Variants in IPO11 observed in about 807,000 individuals in gnomAD.
The protein encoded by IPO11 is importin 11.
IPO11 carries 66 observed loss-of-function variants against 143.2 expected under a neutral mutation model. That is an observed-to-expected ratio of 0.46 (90% CI 0.38 to 0.57). The LOEUF is 0.57. Ranked by LOEUF, IPO11 falls within the 20% of genes least tolerant of loss-of-function variation. IPO11 has a pLI of 0.00. For synonymous variants in IPO11, 385 were observed against 377.8 expected (o/e 1.02, Z -0.22); for missense variants, 1,026 against 1,141.0 (o/e 0.90, Z 1.45).
intron 27 of IPO11, among the ~76,000 whole-genome samples, chr5:62,590,764 A>T (rs1168923498): frequency 2.0e-5 from 3 of 152,148 alleles, no homozygotes; most frequent in East Asian, 1.9e-4. Flanking sequence ...ATAAAAATTT[A>T]AAAAACACTA....
At chr5:62,488,944 A>C (rs1746509448) in intron 13 of IPO11, among the ~76,000 whole-genome samples, 1 of 152,218 alleles carries the variant, frequency 6.6e-6, no homozygotes, top group South Asian at 2.1e-4. Flanking sequence ...ATGAGGCTGC[A>C]GTGAACTGAG....
intron 5 of IPO11, among the ~76,000 whole-genome samples, chr5:62,453,990 C>T (rs1390138650): frequency 6.6e-6 from 1 of 152,034 alleles, no homozygotes; most frequent in Non-Finnish European, 1.5e-5. Context: ...AAAAAAATAG[C>T]CGGGCGTGGT....
At chr5:62,506,857 CT>C (rs1741572399) in intron 19 of IPO11, among the ~76,000 whole-genome samples, 1 of 152,190 alleles carries the variant, frequency 6.6e-6, no homozygotes, top group Non-Finnish European at 1.5e-5. Context: ...GAAAACCACA[CT>C]GTAATTATCG....
rs115026625 is a variant in IPO11, at chr5:62,625,953, G to C, written c.2764-1201G>C. Among the ~76,000 whole-genome samples, 499 of 152,282 alleles carry C rather than the reference G, an allele frequency of 3.3e-3. 2 individuals carry two copies. Among genetic ancestry groups the C allele is most frequent in the African/African-American group, 0.011 (475 of 41,566 alleles). On this transcript the variant is annotated intron_variant, in intron 29 of 29. Transcript: ENST00000325324. ...GGTTTACAGGAAAGTAACAAAAATA[G>C]TACAAAGAGTTCCCATGTGCCCCTC...
At chr5:62,555,471 C>A (rs186100026) in intron 26 of IPO11, among the ~76,000 whole-genome samples, 5,405 of 141,116 alleles carry the variant, frequency 0.038, 327 homozygotes, top group African/African-American at 0.13. Context: ...TGCCACCACA[C>A]CTGGCTAATT....
In IPO11 at chr5:62,492,755, C is replaced by T. The variant is rs27752; in HGVS notation, c.1464-1243C>T. Among the ~76,000 whole-genome samples the T allele has an allele frequency of 7.6e-3, 1,163 of 152,186 alleles. 8 individuals are homozygous for T. The highest frequency in any genetic ancestry group is 0.013 in the Non-Finnish European group (858 of 68,006). ...GTTTTATCATATTGGCCAGGCTGGT[C>T]TCAAACTCCTGAGCTCAAGCCATCT... On this transcript the variant is annotated intron_variant, in intron 15 of 29. Coordinates refer to ENST00000325324, the MANE Select transcript of IPO11 (RefSeq NM_016338.5).
chr5:62,558,415 G>A (rs1743651808), intron 26 of IPO11, among the ~76,000 whole-genome samples: 1 of 152,100 alleles, frequency 6.6e-6, no homozygotes, highest in South Asian at 2.1e-4. Flanking sequence ...TTTATTCCTG[G>A]AATAAAGAAA....
At chr5:62,431,477 C>A (rs1051359003) in intron 1 of IPO11, among the ~76,000 whole-genome samples, 5 of 152,042 alleles carry the variant, frequency 3.3e-5, no homozygotes, top group Non-Finnish European at 5.9e-5. Context: ...GTAGCCTCTA[C>A]CTCCTGAGTT....
intron 1 of IPO11, among the ~76,000 whole-genome samples, chr5:62,425,295 G>A (rs1743690183): frequency 6.6e-6 from 1 of 152,134 alleles, no homozygotes; most frequent in African/African-American, 2.4e-5. Flanking sequence ...ACCATCAGGT[G>A]GCACTGCAGA....
At chr5:62,484,550 GTTTTT>G (rs1297285419) in intron 11 of IPO11, among the ~76,000 whole-genome samples, 1 of 133,922 alleles carries the variant, frequency 7.5e-6, no homozygotes, top group South Asian at 2.4e-4. Flanking sequence ...TTGATGAATA[GTTTTT>G]TTTTTTTTTT....
intron 3 of IPO11, among the ~76,000 whole-genome samples, chr5:62,448,652 G>A (rs1744801500): frequency 6.6e-6 from 1 of 152,050 alleles, no homozygotes; most frequent in Admixed American, 6.6e-5. Context: ...CTGGGCTCAA[G>A]AAATCCTCCT....
intron 1 of IPO11, among the ~76,000 whole-genome samples, chr5:62,424,560 T>C (rs1470790363): frequency 2.0e-5 from 3 of 151,630 alleles, no homozygotes; most frequent in African/African-American, 7.3e-5. Context: ...GGACCATAGG[T>C]GCATGCCACC....
chr5:62,504,980 A>G, intron 18 of IPO11, 82 bp downstream of exon 18: 1 of 735,066 alleles, frequency 1.4e-6, no homozygotes, highest in Non-Finnish European at 2.2e-6. Context: ...ACATGAAATT[A>G]TCTATGTGTT....
At chr5:62,548,389 A>G (rs1011724754) in intron 24 of IPO11, among the ~76,000 whole-genome samples, 1 of 151,952 alleles carries the variant, frequency 6.6e-6, no homozygotes, top group African/African-American at 2.4e-5. Context: ...TTTCTTTTCC[A>G]AGTTTGTAGC....
chr5:62,575,246 T>C (rs1303316644), intron 27 of IPO11, among the ~76,000 whole-genome samples: 2 of 152,228 alleles, frequency 1.3e-5, no homozygotes, highest in East Asian at 1.9e-4. Flanking sequence ...AGAACACTCA[T>C]ATGACCTTTA....
At position 62,433,154 on chromosome 5, in the gene IPO11, T is replaced by A. The variant is rs552429416; in HGVS notation, c.-6-4120T>A. On this transcript the variant is annotated intron_variant, in intron 1 of 29. Coordinates refer to ENST00000325324, the MANE Select transcript of IPO11 (RefSeq NM_016338.5). The stretch of plus-strand genomic sequence containing the variant: ...AATTTTGGCACCTTTTTGTTTTTTG[T>A]TTTTTTTTTAAAGTCAATCTACTTA... Among the ~76,000 whole-genome samples, 907 of 145,636 alleles carry A rather than the reference T, an allele frequency of 6.2e-3. 6 individuals are homozygous for A. Among genetic ancestry groups the A allele is most frequent in the Admixed American group, 0.011 (158 of 14,620 alleles).
chr5:62,430,931 G>C (rs767539224), intron 1 of IPO11, among the ~76,000 whole-genome samples: 1 of 151,460 alleles, frequency 6.6e-6, no homozygotes, highest in Admixed American at 6.6e-5. Flanking sequence ...TCCCGCCTCA[G>C]CCTCCAAAAA....
intron 24 of IPO11, among the ~76,000 whole-genome samples, chr5:62,547,300 T>C (rs1314284420): frequency 6.6e-6 from 1 of 152,142 alleles, no homozygotes; most frequent in African/African-American, 2.4e-5. Flanking sequence ...TTTTTCACTA[T>C]AAGAGAAATA....
chr5:62,526,138 A>T lies in IPO11; in HGVS notation c.1897-4A>T, dbSNP rs772945430. Reference sequence around the variant, plus strand: ...ATTATAAGTTTTATTTATACTTCCCATAGGGATTAGGAGCAGACAGCAAGA... The same window carrying T: ...ATTATAAGTTTTATTTATACTTCCCTTAGGGATTAGGAGCAGACAGCAAGA... On this transcript the variant is annotated splice_polypyrimidine_tract_variant and splice_region_variant and intron_variant, in intron 20 of 29. Coordinates refer to ENST00000325324, the MANE Select transcript of IPO11 (RefSeq NM_016338.5). 1.9e-6 allele frequency: 3 copies of T among 1,590,004 alleles called. No homozygotes were observed. Among genetic ancestry groups the T allele is most frequent in the East Asian group, 2.2e-5 (1 of 44,716 alleles).
Sources: gnomAD v4.1 joint callset for allele counts (sites outside exome capture counted in the v4.1 genomes callset) on GRCh38, gnomAD v4.1.1 for gene constraint, MANE v1.5 for transcripts, NCBI Gene and HGNC (gene_info 2026-07-23, HGNC 2026-07-21) for gene names.